SCLT1: variants seen among roughly 807,000 people sequenced by gnomAD.
SCLT1 encodes sodium channel and clathrin linker 1, also known as sodium channel-associated protein 1.
SCLT1 carries 78 observed loss-of-function variants against 112.8 expected under a neutral mutation model. The ratio of observed to expected loss-of-function variants is 0.69; its 90% confidence interval spans 0.58 to 0.83. SCLT1 has a LOEUF of 0.83. Among genes scored for constraint, SCLT1 ranks in the 40% least tolerant of loss-of-function variants. The pLI is 0.00. For missense variants in SCLT1, 747 were observed against 770.4 expected (o/e 0.97, Z 0.36); for synonymous variants, 257 against 254.7 (o/e 1.01, Z -0.09).
intron 18 of SCLT1, among the ~76,000 whole-genome samples, chr4:128,911,500 CA>C (rs1269948586): frequency 2.6e-5 from 4 of 152,022 alleles, no homozygotes; most frequent in Non-Finnish European, 5.9e-5. Flanking sequence ...AACTTCAAAC[CA>C]AAAGATACCA....
At chr4:128,982,748 C>T (rs1310279298) in intron 9 of SCLT1, among the ~76,000 whole-genome samples, 4 of 152,058 alleles carry the variant, frequency 2.6e-5, no homozygotes, top group African/African-American at 4.8e-5. Context: ...GTGATCCACC[C>T]GCCTTGGCCT....
chr4:128,992,591 A>C (rs913310103), intron 8 of SCLT1, among the ~76,000 whole-genome samples: 3 of 151,934 alleles, frequency 2.0e-5, no homozygotes, highest in Non-Finnish European at 4.4e-5. Flanking sequence ...GTATATAAAA[A>C]ACCCAAACTC....
intron 5 of SCLT1, among the ~76,000 whole-genome samples, chr4:129,033,502 TAAAAAAA>T (rs56325033): frequency 5.6e-4 from 25 of 44,316 alleles, no homozygotes; most frequent in South Asian, 1.3e-3. Context: ...GAACTTAAAG[TAAAAAAA>T]AAAAAAAAAA....
intron 7 of SCLT1, 141 bp downstream of exon 7, chr4:128,999,531 A>G (rs1210809833): frequency 8.3e-6 from 4 of 483,248 alleles, no homozygotes; most frequent in Non-Finnish European, 1.4e-5. Flanking sequence ...TCAAAGATCT[A>G]TATATTATTA....
chr4:129,009,678 A>G (rs1457924216), intron 5 of SCLT1, among the ~76,000 whole-genome samples: 2 of 152,116 alleles, frequency 1.3e-5, no homozygotes, highest in East Asian at 3.9e-4. Context: ...GTGAGATGGT[A>G]TCTCATTGTG....
intron 11 of SCLT1, among the ~76,000 whole-genome samples, chr4:128,961,479 T>G (rs1739725492): frequency 1.3e-5 from 2 of 152,216 alleles, no homozygotes; most frequent in Admixed American, 6.5e-5. Flanking sequence ...ATAACATGTT[T>G]GGTAAGATAT....
In SCLT1 at chr4:129,067,239, GA is replaced by G. The variant is rs893128216; in HGVS notation, c.102+15066del. On this transcript the variant is annotated intron_variant, in intron 2 of 20. Coordinates refer to ENST00000281142, the MANE Select transcript of SCLT1 (RefSeq NM_144643.4). Reference sequence around the variant, plus strand: ...ATCTTTTGTTTTTTTCTAAACATGAGAAAAAAAAAAACAAATCATTGGCTAA... The same window carrying G: ...ATCTTTTGTTTTTTTCTAAACATGAGAAAAAAAAAACAAATCATTGGCTAA... Among the ~76,000 whole-genome samples the G allele has an allele frequency of 9.9e-4, 141 of 142,176 alleles. 1 individual carries two copies. Among genetic ancestry groups the G allele is most frequent in the South Asian group, 5.0e-3 (23 of 4,614 alleles). The allele number at this position is 142,176 out of a possible 152,430, so 93.3% of individuals were successfully genotyped here. A position where few individuals can be genotyped will look rare whatever the true frequency, so the allele number is the denominator to read the frequency against.
At chr4:129,037,475 T>C (rs989387182) in intron 5 of SCLT1, 1 of 152,156 alleles carries the variant, frequency 6.6e-6, no homozygotes, top group African/African-American at 2.4e-5. Flanking sequence ...TAGACAAAAA[T>C]GTCTCTTGTA....
chr4:128,919,264 G>C (rs1327162414), intron 18 of SCLT1, among the ~76,000 whole-genome samples: 1 of 151,590 alleles, frequency 6.6e-6, no homozygotes, highest in African/African-American at 2.4e-5. Flanking sequence ...TCAATACTAA[G>C]GAAATTGCTC....
intron 16 of SCLT1, 146 bp from the exon 17 acceptor site, chr4:128,943,334 C>A: frequency 3.5e-6 from 2 of 567,430 alleles, no homozygotes; most frequent in East Asian, 3.0e-5. Flanking sequence ...TATGTGGTTT[C>A]AAAATGTTAT....
chr4:128,925,612 C>T (rs772384539), intron 18 of SCLT1, among the ~76,000 whole-genome samples: 3 of 152,156 alleles, frequency 2.0e-5, no homozygotes, highest in Non-Finnish European at 4.4e-5. Flanking sequence ...GCGTCAGCCA[C>T]GGTGTCTGGC....
chr4:128,899,334 G>A lies in SCLT1; in HGVS notation c.1830-8197C>T, dbSNP rs113214150. Among the ~76,000 whole-genome samples the A allele has an allele frequency of 5.6e-3, 852 of 152,290 alleles. 15 individuals are homozygous for A. Among genetic ancestry groups the A allele is most frequent in the African/African-American group, 0.019 (800 of 41,556 alleles). On this transcript the variant is annotated intron_variant, in intron 18 of 20. Coordinates refer to ENST00000281142, the MANE Select transcript of SCLT1 (RefSeq NM_144643.4). Reference sequence around the variant, plus strand: ...CAAAAAGCTTATCCACCATGATCAAGTGGGCTTCATCCCTGGGATGCCAGG... The same window carrying A: ...CAAAAAGCTTATCCACCATGATCAAATGGGCTTCATCCCTGGGATGCCAGG...
At chr4:129,037,476 G>A (rs1395448474) in intron 5 of SCLT1, 2 of 152,208 alleles carry the variant, frequency 1.3e-5, no homozygotes, top group South Asian at 2.1e-4. Flanking sequence ...AGACAAAAAT[G>A]TCTCTTGTAG....
intron 1 of SCLT1, among the ~76,000 whole-genome samples, chr4:129,084,808 G>A (rs1186411242): frequency 6.6e-6 from 1 of 152,012 alleles, no homozygotes; most frequent in African/African-American, 2.4e-5. Flanking sequence ...TCGGATAACC[G>A]GCAAGCCATA....
downstream of SCLT1, among the ~76,000 whole-genome samples, chr4:128,880,265 T>A (rs919062835): frequency 1.3e-5 from 2 of 152,200 alleles, no homozygotes; most frequent in African/African-American, 4.8e-5. Flanking sequence ...AGGGAGTTGG[T>A]GCTTGGTATG....
chr4:129,030,658 C>T (rs111801149), intron 5 of SCLT1, among the ~76,000 whole-genome samples: 2,189 of 152,138 alleles, frequency 0.014, 47 homozygotes, highest in African/African-American at 0.044. Context: ...GAAATAAAAA[C>T]TACCATTAGA....
chr4:129,029,227 T>C lies in SCLT1; in HGVS notation c.290+9814A>G, dbSNP rs529358318. 3.9e-5 allele frequency among the ~76,000 whole-genome samples: 6 copies of C among 152,072 alleles called. No individual in the cohort carries two copies. In the East Asian group the frequency reaches 1.2e-3, roughly 29 times the overall value. On this transcript the variant is annotated intron_variant, in intron 5 of 20. Transcript: ENST00000281142. ...ATGCTGGTATAAAGACACACGCACA[T>C]GTATGTTTATTGCGGCACTATTCAC...
intron 5 of SCLT1, chr4:128,874,132 G>A (rs1221773509): frequency 6.6e-6 from 1 of 152,570 alleles, no homozygotes; most frequent in Non-Finnish European, 1.5e-5. Context: ...ATGAATCCAA[G>A]TTGTATATTC....
At chr4:128,967,403 C>A (rs1002027651) in intron 10 of SCLT1, among the ~76,000 whole-genome samples, 1 of 152,210 alleles carries the variant, frequency 6.6e-6, no homozygotes, top group Non-Finnish European at 1.5e-5. Flanking sequence ...AATGGCACTT[C>A]TGTTTTGAGT....
Sources: allele counts gnomAD v4.1 joint callset (sites outside exome capture counted in the v4.1 genomes callset), GRCh38; gene constraint gnomAD v4.1.1; transcripts MANE v1.5; gene names NCBI Gene and HGNC (gene_info 2026-07-23, HGNC 2026-07-21).